Variants in HEXB observed in about 807,000 individuals in gnomAD.
HEXB encodes beta-hexosaminidase subunit beta.
In HEXB, 51 loss-of-function variants were observed where a neutral mutation model predicts 71.2. The observed-to-expected ratio is 0.72, with a 90% CI of 0.57 to 0.90. The LOEUF (loss-of-function observed/expected upper bound fraction) is 0.90, where lower values mean the gene tolerates loss of function less well. Ranked by LOEUF, HEXB falls within the 40% of genes least tolerant of loss-of-function variation. The pLI is 0.00. For missense variants in HEXB, 617 were observed against 677.0 expected (o/e 0.91, Z 0.98); for synonymous variants, 266 against 249.3 (o/e 1.07, Z -0.63).
At chr5:74,644,933 G>A (rs111631727) in intron 1 of HEXB, among the ~76,000 whole-genome samples, 5 of 151,296 alleles carry the variant, frequency 3.3e-5, no homozygotes, top group African/African-American at 9.7e-5. Context: ...CACCACATCC[G>A]GCTAATTTTT....
chr5:74,688,394 C>T (rs1479740534), intron 1 of HEXB, among the ~76,000 whole-genome samples: 2 of 150,076 alleles, frequency 1.3e-5, no homozygotes, highest in Non-Finnish European at 3.0e-5. Context: ...TGCAGTGGTG[C>T]GATCTTGGCT....
chr5:74,704,490 T>C (rs1238878544), intron 5 of HEXB, among the ~76,000 whole-genome samples: 3 of 152,190 alleles, frequency 2.0e-5, no homozygotes, highest in Non-Finnish European at 4.4e-5. Flanking sequence ...GGGAATTGTA[T>C]TGAGTTTGCA....
At chr5:74,661,032 T>G (rs55721839) in intron 1 of HEXB, among the ~76,000 whole-genome samples, 4,409 of 146,226 alleles carry the variant, frequency 0.03, 106 homozygotes, top group Non-Finnish European at 0.041. Flanking sequence ...GAGAGAGAGA[T>G]AGAGAGAGAG....
chr5:74,713,740 T>G, intron 7 of HEXB, 105 bp downstream of exon 7: 1 of 892,214 alleles, frequency 1.1e-6, no homozygotes, highest in Non-Finnish European at 1.8e-6. Context: ...CTCGGCTCAC[T>G]GCAACCTCCA....
intron 2 of HEXB, 85 bp from the exon 3 acceptor site, chr5:74,693,554 A>G (rs551955434): frequency 7.3e-6 from 7 of 954,710 alleles, no homozygotes; most frequent in African/African-American, 6.4e-5. Flanking sequence ...TAGTCCAGAA[A>G]TATCAATGAC....
At chr5:74,721,077 T>G in intron 13 of HEXB, 41 bp from the exon 14 acceptor site, 1 of 1,448,434 alleles carries the variant, frequency 6.9e-7, no homozygotes, top group Non-Finnish European at 9.7e-7. Context: ...ATGATATCAA[T>G]CTAAATCAAT....
chr5:74,695,798 G>T (rs545033307), intron 3 of HEXB, among the ~76,000 whole-genome samples: 12 of 146,080 alleles, frequency 8.2e-5, no homozygotes, highest in African/African-American at 3.0e-4. Context: ...CCGAGATCGC[G>T]CCACTGCACT....
At chr5:74,717,323 GCTA>G in intron 9 of HEXB, among the ~76,000 whole-genome samples, 1 of 152,082 alleles carries the variant, frequency 6.6e-6, no homozygotes, top group Non-Finnish European at 1.5e-5. Flanking sequence ...ATATACCTGT[GCTA>G]CCCAATACAG....
chr5:74,653,036 A>G (rs1273940374), intron 1 of HEXB, among the ~76,000 whole-genome samples: 2 of 152,244 alleles, frequency 1.3e-5, no homozygotes, highest in Non-Finnish European at 2.9e-5. Context: ...AGGAGGACCC[A>G]ATAGAAAAGT....
chr5:74,666,829 G>T (rs1050149280), intron 1 of HEXB, among the ~76,000 whole-genome samples: 13 of 152,214 alleles, frequency 8.5e-5, no homozygotes, highest in East Asian at 3.9e-4. Context: ...CACACATATA[G>T]AGAGAGAGAA....
Position 74,652,208 on chromosome 5 carries a change from A to G in HEXB, c.-377+11650A>G, listed in dbSNP as rs1186721986. On this transcript the variant is annotated intron_variant, in intron 1 of 13. Transcript: ENST00000511181. This position sits in a 1 kb window ranked among gnomAD's most constrained non-coding sequence, Gnocchi z 5.4. The stretch of plus-strand genomic sequence containing the variant: ...AGTCACAGTGGTTTACCTCTCAACA[A>G]TCCCAGGAGGTAGATACTATCATTA... 1.3e-5 allele frequency among the ~76,000 whole-genome samples: 2 copies of G among 152,254 alleles called. No individual in the cohort carries two copies. The highest frequency in any genetic ancestry group is 2.9e-5 in the Non-Finnish European group (2 of 68,048).
intron 5 of HEXB, among the ~76,000 whole-genome samples, chr5:74,700,482 A>T (rs973040020): frequency 6.6e-6 from 1 of 151,798 alleles, no homozygotes; most frequent in Non-Finnish European, 1.5e-5. Flanking sequence ...TTTAAAAAAA[A>T]TTTGTGTAGA....
In HEXB at chr5:74,685,524, C is replaced by T. The variant is rs1580377415; in HGVS notation, c.264C>T (p.Gly88=). The stretch of plus-strand genomic sequence containing the variant: ...GCCACAGCCCCAATTCCACGGCGGG[C>T]CCCTCCTGCACCCTGCTGGAGGAAG... ...YISHSPNSTA[G]PSCTLLEEAF... Residue 88 remains glycine, a synonymous_variant, in exon 1 of 14, where the codon GGC becomes GGT. Coordinates refer to ENST00000261416, the MANE Select transcript of HEXB (RefSeq NM_000521.4). The T allele has an allele frequency of 6.2e-7, 1 of 1,603,190 alleles. No individual in the cohort carries two copies. Among genetic ancestry groups the T allele is most frequent in the Non-Finnish European group, 8.5e-7 (1 of 1,174,980 alleles).
intron 2 of HEXB, among the ~76,000 whole-genome samples, chr5:74,692,642 G>A (rs530027327): frequency 6.6e-6 from 1 of 152,224 alleles, no homozygotes; most frequent in Non-Finnish European, 1.5e-5. Context: ...CACCTGAGAT[G>A]CTCACACTAC....
intron 6 of HEXB, among the ~76,000 whole-genome samples, chr5:74,710,945 A>G (rs1308284552): frequency 6.6e-6 from 1 of 152,074 alleles, no homozygotes; most frequent in East Asian, 1.9e-4. Context: ...TTGAAAGTTC[A>G]TATGGAACCA....
chr5:74,669,879 G>T (rs1247515050), intron 1 of HEXB, among the ~76,000 whole-genome samples: 1 of 152,186 alleles, frequency 6.6e-6, no homozygotes, highest in Non-Finnish European at 1.5e-5. Context: ...AAGGTAGTGG[G>T]CGATGCAGAG....
At chr5:74,684,800 C>T (rs1348972016), upstream of HEXB, among the ~76,000 whole-genome samples, 7 of 151,902 alleles carry the variant, frequency 4.6e-5, no homozygotes, top group African/African-American at 1.7e-4. Context: ...GCCTCAGCCT[C>T]CCGAGTAGCT....
intron 1 of HEXB, among the ~76,000 whole-genome samples, chr5:74,664,865 G>A (rs1748405179): frequency 6.6e-6 from 1 of 152,182 alleles, no homozygotes; most frequent in Non-Finnish European, 1.5e-5. Context: ...TGTTCCTAAT[G>A]AGAGGACCTA....
At chr5:74,677,617 C>T (rs1748658193) in intron 1 of HEXB, among the ~76,000 whole-genome samples, 1 of 150,616 alleles carries the variant, frequency 6.6e-6, no homozygotes, top group Non-Finnish European at 1.5e-5. Flanking sequence ...TTCTTCCTTT[C>T]CTGTCTCGCT....
Sources: allele counts gnomAD v4.1 joint callset (sites outside exome capture counted in the v4.1 genomes callset), GRCh38; gene constraint gnomAD v4.1.1; non-coding constraint Gnocchi (gnomAD v3.1); transcripts MANE v1.5; gene names NCBI Gene and HGNC (gene_info 2026-07-23, HGNC 2026-07-21).